BRAF: variants seen among roughly 807,000 people sequenced by gnomAD.
The protein encoded by BRAF is serine/threonine-protein kinase B-raf.
A neutral mutation model predicts 104.6 loss-of-function variants in BRAF; 16 were observed. That is an observed-to-expected ratio of 0.15 (90% CI 0.10 to 0.23). The LOEUF (loss-of-function observed/expected upper bound fraction) is 0.23. Ranked by LOEUF, BRAF falls within the 10% of genes least tolerant of loss-of-function variation. The pLI, the probability that BRAF is intolerant of heterozygous loss-of-function variation, is 1.00. For synonymous variants in BRAF, 310 were observed against 341.6 expected (o/e 0.91, Z 1.02); for missense variants, 541 against 937.3 (o/e 0.58, Z 5.52).
At chr7:140,921,255 T>C (rs529240986) in intron 1 of BRAF, among the ~76,000 whole-genome samples, 3 of 152,276 alleles carry the variant, frequency 2.0e-5, no homozygotes, top group Non-Finnish European at 2.9e-5. Flanking sequence ...TCATACCATA[T>C]GGCCATAGAA....
chr7:140,794,149 A>G (rs1018384577), intron 8 of BRAF, among the ~76,000 whole-genome samples, 159 bp downstream of exon 8: 2 of 152,234 alleles, frequency 1.3e-5, no homozygotes, highest in African/African-American at 2.4e-5. Context: ...GAGAGAAACC[A>G]GAAGCTTTTC....
chr7:140,770,725 C>A (rs1799759754), intron 14 of BRAF, among the ~76,000 whole-genome samples: 1 of 151,966 alleles, frequency 6.6e-6, no homozygotes, highest in Admixed American at 6.6e-5. Context: ...CACTTGAGGT[C>A]AGGAGTTCAA....
intron 1 of BRAF, among the ~76,000 whole-genome samples, chr7:140,914,716 AT>A: frequency 6.6e-6 from 1 of 152,134 alleles, no homozygotes; most frequent in Non-Finnish European, 1.5e-5. Context: ...TCCATAAAAC[AT>A]TACCAGAAAT....
Position 140,749,403 on chromosome 7 carries a change from T to G in BRAF, c.1996A>C (p.Arg666=). The G allele has an allele frequency of 6.2e-7, 1 of 1,613,122 alleles. No individual in the cohort carries two copies. Among genetic ancestry groups the G allele is most frequent in the Non-Finnish European group, 8.5e-7 (1 of 1,179,446 alleles). ...CTGTATGGATTTTTATCTTGCATTCTGATGACTTCTGGTGCCTGTTAGAAC... is the reference window on the plus strand; with the variant it reads ...CTGTATGGATTTTTATCTTGCATTCGGATGACTTCTGGTGCCTGTTAGAAC... ...SILWMAPEVI[R]MQDKNPYSFQ... is the part of the protein sequence containing the mutation. Residue 666 remains arginine (R), a synonymous_variant, in exon 17 of 20, where the codon AGA becomes CGA. Coordinates refer to ENST00000644969, the MANE Select transcript of BRAF (RefSeq NM_001374258.1).
At chr7:140,896,993 T>A (rs909483894) in intron 1 of BRAF, among the ~76,000 whole-genome samples, 1 of 151,284 alleles carries the variant, frequency 6.6e-6, no homozygotes, top group Non-Finnish European at 1.5e-5. Context: ...TACATTAACA[T>A]ATAAACTTAA....
rs535615517 is a variant in BRAF, at chr7:140,726,289, A to G, written c.*205T>C. On this transcript the variant is annotated 3_prime_UTR_variant, in exon 20 of 20. Coordinates refer to ENST00000644969, the MANE Select transcript of BRAF (RefSeq NM_001374258.1). ...TGCTCGTGGTATTTTTGTTGAAGAA[A>G]CACTGGCAGCAGAGAATTCTGGTTC... The G allele has an allele frequency of 2.8e-6, 4 of 1,415,704 alleles. No homozygotes were observed. The South Asian group carries it at 6.5e-5, about 23-fold the overall frequency. The allele number at this position is 1,415,704 out of a possible 1,614,324, so 87.7% of individuals were successfully genotyped here.
chr7:140,841,031 C>G (rs780273850), intron 2 of BRAF, among the ~76,000 whole-genome samples: 2 of 151,868 alleles, frequency 1.3e-5, no homozygotes, highest in Non-Finnish European at 2.9e-5. Flanking sequence ...ACTCTTACAA[C>G]TCAGTAATAA....
intron 1 of BRAF, among the ~76,000 whole-genome samples, chr7:140,886,587 C>T (rs1419694332): frequency 2.6e-5 from 4 of 152,210 alleles, no homozygotes; most frequent in Non-Finnish European, 5.9e-5. Context: ...TCCTGGAACA[C>T]TCTTTGCCTA....
chr7:140,782,183 C>T (rs1023035057), intron 11 of BRAF, among the ~76,000 whole-genome samples: 1 of 151,984 alleles, frequency 6.6e-6, no homozygotes, highest in Non-Finnish European at 1.5e-5. Context: ...CCTTGTGATA[C>T]TTTGCTCAGA....
intron 3 of BRAF, among the ~76,000 whole-genome samples, chr7:140,832,707 TA>T: frequency 6.6e-6 from 1 of 152,290 alleles, no homozygotes; most frequent in African/African-American, 2.4e-5. Context: ...CTAGCCAGGA[TA>T]ATTAAGGTAA....
At chr7:140,920,937 A>G (rs1255373155) in intron 1 of BRAF, among the ~76,000 whole-genome samples, 1 of 152,258 alleles carries the variant, frequency 6.6e-6, no homozygotes, top group Non-Finnish European at 1.5e-5. Flanking sequence ...ACCACTTTTC[A>G]GGGTTATGAT....
chr7:140,906,415 TG>T (rs1399919495), intron 1 of BRAF, among the ~76,000 whole-genome samples: 1 of 152,244 alleles, frequency 6.6e-6, no homozygotes, highest in East Asian at 1.9e-4. Flanking sequence ...TTGCCCAGGC[TG>T]GTCTCAAATT....
rs775527171 is a variant in BRAF at position 140,834,683 on chromosome 7, C to A, written c.430G>T (p.Val144Leu). Reference sequence around the variant, plus strand: ...GGTGACTTGGGGTTGCTCCGTGCCACATCTGTGGGATTTTGAAAAACTGAA... The same window carrying A: ...GGTGACTTGGGGTTGCTCCGTGCCAAATCTGTGGGATTTTGAAAAACTGAA... ...SLSVFQNPTD[V>L]ARSNPKSPQK... is the part of the protein sequence containing the mutation. The change falls in exon 3 of 20, where the codon GTG becomes TTG. Residue 144 changes from valine to leucine, a missense_variant. Around this residue, in one of 10 missense-constraint regions of BRAF, gnomAD observed 86 missense variants for 133.9 expected, o/e 0.64. Coordinates refer to ENST00000644969, the MANE Select transcript of BRAF (RefSeq NM_001374258.1). 6.2e-7 allele frequency: 1 copy of A among 1,614,168 alleles called. No homozygotes were observed. Among genetic ancestry groups the A allele is most frequent in the African/African-American group, 1.3e-5 (1 of 75,058 alleles).
At chr7:140,748,443 C>T (rs1363938447) in intron 17 of BRAF, among the ~76,000 whole-genome samples, 1 of 152,092 alleles carries the variant, frequency 6.6e-6, no homozygotes. Context: ...TTACAATCTG[C>T]TCCAGTTTCT....
chr7:140,917,964 T>A (rs1817800018), intron 1 of BRAF, among the ~76,000 whole-genome samples: 1 of 152,222 alleles, frequency 6.6e-6, no homozygotes, highest in African/African-American at 2.4e-5. Context: ...GTTGAGGAAT[T>A]GTGAGAGGAA....
chr7:140,714,514 T>TGTGC (rs1795096165), downstream of BRAF, among the ~76,000 whole-genome samples: 1 of 152,136 alleles, frequency 6.6e-6, no homozygotes, highest in African/African-American at 2.4e-5. Flanking sequence ...ACTACAAGTG[T>TGTGC]GTGCCACCAC....
chr7:140,812,506 C>T (rs982266875), intron 3 of BRAF, among the ~76,000 whole-genome samples: 3 of 152,160 alleles, frequency 2.0e-5, no homozygotes, highest in African/African-American at 4.8e-5. Flanking sequence ...TCAAATATGG[C>T]TATGCTCCCT....
intron 8 of BRAF, 56 bp from the exon 9 acceptor site, chr7:140,787,640 G>C: frequency 7.0e-7 from 1 of 1,436,452 alleles, no homozygotes; most frequent in Non-Finnish European, 9.8e-7. Flanking sequence ...TCAGAGAGTA[G>C]CGATAACACT....
intron 1 of BRAF, among the ~76,000 whole-genome samples, chr7:140,874,628 G>A (rs760690682): frequency 6.6e-6 from 1 of 151,756 alleles, no homozygotes; most frequent in East Asian, 1.9e-4. Flanking sequence ...TGGTGGCAGC[G>A]GCAACAATAG....
Sources: gnomAD v4.1 joint callset for allele counts (sites outside exome capture counted in the v4.1 genomes callset) on GRCh38, gnomAD v4.1.1 for gene constraint, gnomAD v4.1.1 regional missense constraint, MANE v1.5 for transcripts, NCBI Gene and HGNC (gene_info 2026-07-23, HGNC 2026-07-21) for gene names.